Variants in DDC observed in about 807,000 individuals in gnomAD.
DDC encodes the protein aromatic-L-amino-acid decarboxylase.
DDC carries 43 observed loss-of-function variants against 60.0 expected under a neutral mutation model. The observed-to-expected ratio is 0.72, with a 90% CI of 0.56 to 0.92. The LOEUF (loss-of-function observed/expected upper bound fraction) is 0.92, where lower values mean the gene tolerates loss of function less well. Ranked by LOEUF, DDC falls within the 40% of genes least tolerant of loss-of-function variation. The pLI, the probability that DDC is intolerant of heterozygous loss-of-function variation, is 0.00. For missense variants in DDC, 573 were observed against 620.2 expected, an observed-to-expected ratio of 0.92 and a Z score of 0.81; for synonymous variants, 232 against 234.6, an observed-to-expected ratio of 0.99 and a Z score of 0.10.
chr7:50,499,190 T>C lies in DDC; in HGVS notation c.834A>G (p.Ala278=). Residue 278 remains alanine, a synonymous_variant, in exon 8 of 15, where the codon GCA becomes GCG. Coordinates refer to ENST00000444124, the MANE Select transcript of DDC (RefSeq NM_001082971.2). ...LHVDAAYAGS[A]FICPEFRHLL... ...GGTGCCGGAACTCAGGGCAGATGAA[T>C]GCACTGCCTGCGTAGGCTGCATCAA... The C allele has an allele frequency of 6.2e-7, 1 of 1,614,036 alleles. No individual in the cohort carries two copies.
Position 50,496,487 on chromosome 7 carries a change from G to A in DDC, c.877-1070C>T, listed in dbSNP as rs185877708. ...AAACTGTGAACAACCGGCTCTGGCTGCATGCATCAGTGTTAGGGGCTACCT... is the reference window on the plus strand; with the variant it reads ...AAACTGTGAACAACCGGCTCTGGCTACATGCATCAGTGTTAGGGGCTACCT... On this transcript the variant is annotated intron_variant, in intron 8 of 14. Coordinates refer to ENST00000444124, the MANE Select transcript of DDC (RefSeq NM_001082971.2). Among the ~76,000 whole-genome samples the A allele has an allele frequency of 1.9e-3, 288 of 152,264 alleles. 1 individual carries two copies. The highest frequency in any genetic ancestry group is 6.7e-3 in the African/African-American group (277 of 41,542).
chr7:50,551,923 C>T (rs1173712615), intron 1 of DDC, among the ~76,000 whole-genome samples: 1 of 152,056 alleles, frequency 6.6e-6, no homozygotes, highest in Non-Finnish European at 1.5e-5. Flanking sequence ...AGGCAGCAAG[C>T]TGAAGACTCA....
intron 6 of DDC, among the ~76,000 whole-genome samples, chr7:50,514,562 A>T (rs1012457594): frequency 6.6e-6 from 1 of 152,226 alleles, no homozygotes; most frequent in Non-Finnish European, 1.5e-5. Context: ...GCAGAGCCCA[A>T]TGCAAGAAAA....
At chr7:50,559,428 C>CTT (rs60591197) in intron 1 of DDC, among the ~76,000 whole-genome samples, 30,853 of 142,346 alleles carry the variant, frequency 0.22, 3,664 homozygotes, top group East Asian at 0.39. Context: ...CAGAACATTT[C>CTT]TTTTTTTTTT....
chr7:50,462,922 A>G (rs575378165), intron 14 of DDC, among the ~76,000 whole-genome samples: 13 of 152,176 alleles, frequency 8.5e-5, no homozygotes, highest in African/African-American at 2.9e-4. Context: ...GGTGCATGCC[A>G]CCACGCCCAG....
intron 6 of DDC, among the ~76,000 whole-genome samples, chr7:50,525,527 G>T (rs1006888514): frequency 8.5e-5 from 13 of 152,160 alleles, no homozygotes; most frequent in Admixed American, 8.5e-4. Flanking sequence ...ACTTTGGAAG[G>T]CCGAGGCAGG....
intron 12 of DDC, among the ~76,000 whole-genome samples, chr7:50,469,841 T>C (rs1180802293): frequency 6.6e-6 from 1 of 152,100 alleles, no homozygotes; most frequent in Non-Finnish European, 1.5e-5. Flanking sequence ...TAGCTGGGCA[T>C]GATGGCGCAT....
In DDC at chr7:50,499,153, C is replaced by T. The variant is rs748462490; in HGVS notation, c.871G>A (p.Val291Met). Residue 291 changes from valine to methionine, a missense_variant, in exon 8 of 15, where the codon GTG (valine) becomes ATG (methionine). Coordinates refer to ENST00000444124, the MANE Select transcript of DDC (RefSeq NM_001082971.2). ...AGAGCGAAGGGTGCACCTACCTCCA[C>T]TCCATTCAGAAGGTGCCGGAACTCA... The part of the protein sequence containing the change: ...CPEFRHLLNG[V>M]EFADSFNFNP... 4 of 1,612,646 alleles carry T rather than the reference C, an allele frequency of 2.5e-6. No homozygotes were observed. The Middle Eastern group carries it at 4.9e-4, about 199-fold the overall frequency.
intron 11 of DDC, 145 bp downstream of exon 11, chr7:50,476,479 C>T (rs990645699): frequency 6.5e-6 from 5 of 772,432 alleles, no homozygotes; most frequent in Non-Finnish European, 9.1e-6. Context: ...GCAGGACCCC[C>T]CTAATTTGTC....
intron 9 of DDC, chr7:50,492,553 C>T (rs1386241264): frequency 2.8e-6 from 1 of 355,868 alleles, no homozygotes; most frequent in African/African-American, 2.2e-5. Context: ...TTGCAACCAC[C>T]CTGCCCCACC....
intron 4 of DDC, among the ~76,000 whole-genome samples, chr7:50,534,914 A>T (rs2044345345): frequency 6.6e-6 from 1 of 152,166 alleles, no homozygotes; most frequent in African/African-American, 2.4e-5. Context: ...CTGGCTGCGG[A>T]CAGTGTGCAG....
chr7:50,467,632 A>G (rs1357615663), intron 12 of DDC, among the ~76,000 whole-genome samples: 2 of 152,238 alleles, frequency 1.3e-5, no homozygotes, highest in Non-Finnish European at 2.9e-5. Context: ...ATCATTCTGG[A>G]AGAGACAATG....
chr7:50,543,462 A>G (rs1373820920), intron 2 of DDC: 1 of 309,090 alleles, frequency 3.2e-6, no homozygotes, highest in African/African-American at 2.2e-5. Flanking sequence ...CGTTTCTTCC[A>G]CATATGCTAA....
intron 6 of DDC, among the ~76,000 whole-genome samples, chr7:50,516,123 A>G (rs184921984): frequency 6.6e-6 from 1 of 152,300 alleles, no homozygotes. Context: ...CACAGAATAC[A>G]CATTCCGTTC....
chr7:50,525,895 A>T (rs1455402125), intron 6 of DDC, among the ~76,000 whole-genome samples: 1 of 150,968 alleles, frequency 6.6e-6, no homozygotes, highest in Admixed American at 6.6e-5. Context: ...AAGCATGGAG[A>T]TTAAAAAAAA....
intron 14 of DDC, among the ~76,000 whole-genome samples, chr7:50,459,369 C>G (rs1316597691): frequency 6.6e-6 from 1 of 152,234 alleles, no homozygotes; most frequent in Non-Finnish European, 1.5e-5. Flanking sequence ...AGCCTCTGCC[C>G]GGCCGCCACC....
intron 1 of DDC, among the ~76,000 whole-genome samples, chr7:50,557,058 A>G (rs920322150): frequency 6.6e-6 from 1 of 152,186 alleles, no homozygotes; most frequent in African/African-American, 2.4e-5. Flanking sequence ...ATTATTATTG[A>G]TGCTACAAAA....
intron 1 of DDC, among the ~76,000 whole-genome samples, chr7:50,562,638 T>C (rs1250008805): frequency 6.6e-5 from 10 of 152,138 alleles, no homozygotes; most frequent in Non-Finnish European, 1.2e-4. Context: ...CAGGGAGGAC[T>C]GGCCAGGAGC....
At chr7:50,483,644 T>C (rs1271059007) in intron 9 of DDC, among the ~76,000 whole-genome samples, 1 of 152,130 alleles carries the variant, frequency 6.6e-6, no homozygotes, top group Non-Finnish European at 1.5e-5. Context: ...GGCTCACACC[T>C]GTAATCCCAG....
Sources: gnomAD v4.1 joint callset for allele counts (sites outside exome capture counted in the v4.1 genomes callset) on GRCh38, gnomAD v4.1.1 for gene constraint, MANE v1.5 for transcripts, NCBI Gene and HGNC (gene_info 2026-07-23, HGNC 2026-07-21) for gene names.